The following LRRIQ1 variants were observed in gnomAD, a reference collection of about 807,000 sequenced individuals.
The protein encoded by LRRIQ1 is leucine rich repeats and IQ motif containing 1, also known as leucine-rich repeat- and IQ domain-containing protein 1.
A neutral mutation model predicts 211.9 loss-of-function variants in LRRIQ1; 210 were observed. That is an observed-to-expected ratio of 0.99 (90% CI 0.89 to 1.11). LRRIQ1 has a LOEUF of 1.11. Among genes scored for constraint, LRRIQ1 ranks in the 50% most tolerant of loss-of-function variants. The pLI is 0.00. For missense variants in LRRIQ1, 2,136 were observed against 1,939.5 expected (o/e 1.10, Z -1.90); for synonymous variants, 699 against 650.1 (o/e 1.08, Z -1.14).
At chr12:85,167,886 C>T (rs894203502) in intron 24 of LRRIQ1, among the ~76,000 whole-genome samples, 2 of 144,014 alleles carry the variant, frequency 1.4e-5, no homozygotes, top group Non-Finnish European at 1.5e-5. Context: ...CCTAACCTAA[C>T]GCAGCTAGCA....
intron 19 of LRRIQ1, among the ~76,000 whole-genome samples, chr12:85,141,135 T>C (rs1019051989): frequency 2.6e-5 from 4 of 151,418 alleles, no homozygotes; most frequent in Non-Finnish European, 5.9e-5. Context: ...GAGTTTGATA[T>C]AAGATTGATG....
intron 8 of LRRIQ1, among the ~76,000 whole-genome samples, chr12:85,057,741 T>C (rs891539307): frequency 5.9e-5 from 9 of 152,094 alleles, no homozygotes; most frequent in Non-Finnish European, 1.2e-4. Context: ...CAAATGTTAC[T>C]AATTTTATAT....
chr12:85,041,003 G>A (rs1878820236), intron 3 of LRRIQ1, among the ~76,000 whole-genome samples: 1 of 151,556 alleles, frequency 6.6e-6, no homozygotes, highest in African/African-American at 2.4e-5. Context: ...TTACTTCTTG[G>A]AATTGTTCTA....
intron 24 of LRRIQ1, among the ~76,000 whole-genome samples, chr12:85,196,896 C>T (rs1018540641): frequency 4.1e-4 from 62 of 152,080 alleles, no homozygotes; most frequent in African/African-American, 1.4e-3. Context: ...AGGCAACCTA[C>T]AAAATGGGAG....
chr12:85,211,132 A>G (rs1209723434), intron 24 of LRRIQ1, among the ~76,000 whole-genome samples: 1 of 152,224 alleles, frequency 6.6e-6, no homozygotes, highest in East Asian at 1.9e-4. Context: ...CAGCATTCAT[A>G]AAACTATGCC....
intron 24 of LRRIQ1, among the ~76,000 whole-genome samples, chr12:85,198,494 A>C (rs528883861): frequency 6.6e-6 from 1 of 151,994 alleles, no homozygotes; most frequent in East Asian, 1.9e-4. Context: ...CTTTTTATTA[A>C]TAGCCATTCC....
rs770685184 is a variant in LRRIQ1 at position 85,055,564 on chromosome 12, G to T, written c.771G>T (p.Leu257Phe). 20 of 1,534,380 alleles carry T rather than the reference G, an allele frequency of 1.3e-5. No homozygotes were observed. Among genetic ancestry groups the T allele is most frequent in the Non-Finnish European group, 1.7e-5 (19 of 1,147,794 alleles). ...TGTTTTAGGAGTATATTAGAAACTT[G>T]CATTTACAAATGGAAGAAGAAAGAA... ...FKQHEEYIRN[L>F]HLQMEEERTR... Residue 257 changes from leucine (L) to phenylalanine (F), a missense_variant, in exon 8 of 27, where the codon TTG (leucine) becomes TTT (phenylalanine). Coordinates refer to ENST00000393217, the MANE Select transcript of LRRIQ1 (RefSeq NM_001079910.2).
Position 85,217,612 on chromosome 12 carries a change from A to ATATATATG in LRRIQ1, c.4823-11881_4823-11874dup, listed in dbSNP as rs533149532. Reference sequence around the variant, plus strand: ...TATATATGTATATATGTATATGTGTATATATATGTATATATGTATATATGT... The same window carrying ATATATATG: ...TATATATGTATATATGTATATGTGTATATATATGTATATATGTATATATGTATATATGT... On this transcript the variant is annotated intron_variant, in intron 24 of 26. Coordinates refer to ENST00000393217, the MANE Select transcript of LRRIQ1 (RefSeq NM_001079910.2). Among the ~76,000 whole-genome samples, 280 of 127,322 alleles carry ATATATATG rather than the reference A, an allele frequency of 2.2e-3. 10 individuals are homozygous for ATATATATG. In the South Asian group the frequency reaches 0.049, roughly 22 times the overall value. The allele number at this position is 127,322 out of a possible 152,430, so 83.5% of individuals were successfully genotyped here. A position where few individuals can be genotyped will look rare whatever the true frequency, so the allele number is the denominator to read the frequency against.
At chr12:85,212,776 TTATATA>T (rs922940690) in intron 24 of LRRIQ1, among the ~76,000 whole-genome samples, 7 of 145,758 alleles carry the variant, frequency 4.8e-5, no homozygotes, top group African/African-American at 1.8e-4. Flanking sequence ...AATATATATT[TTATATA>T]TATATAGAGA....
intron 25 of LRRIQ1, 25 bp from the exon 26 acceptor site, chr12:85,232,671 A>G (rs1346820359): frequency 6.3e-7 from 1 of 1,587,018 alleles, no homozygotes; most frequent in East Asian, 2.2e-5. Flanking sequence ...ATTATAAAAT[A>G]CTTTCTGTTT....
At chr12:85,186,370 T>C (rs1193703434) in intron 24 of LRRIQ1, among the ~76,000 whole-genome samples, 2 of 152,180 alleles carry the variant, frequency 1.3e-5, no homozygotes, top group African/African-American at 4.8e-5. Flanking sequence ...ACCTCAGTGA[T>C]TGTCAGGGAC....
At chr12:85,153,913 A>C in intron 22 of LRRIQ1, 99 bp from the exon 23 acceptor site, 1 of 962,616 alleles carries the variant, frequency 1.0e-6, no homozygotes, top group Non-Finnish European at 1.5e-6. Flanking sequence ...CATTTATTTT[A>C]GTATGCTATA....
intron 16 of LRRIQ1, 116 bp from the exon 17 acceptor site, chr12:85,123,954 T>G: frequency 1.5e-6 from 1 of 663,158 alleles, no homozygotes; most frequent in Non-Finnish European, 2.6e-6. Flanking sequence ...TAATGAATGT[T>G]GTACTGAAGT....
chr12:85,247,987 T>C (rs1895780469), downstream of LRRIQ1, among the ~76,000 whole-genome samples: 2 of 151,730 alleles, frequency 1.3e-5, no homozygotes, highest in South Asian at 2.1e-4. Flanking sequence ...ATGAAAGAGA[T>C]TACATTCTCA....
intron 3 of LRRIQ1, among the ~76,000 whole-genome samples, chr12:85,043,103 C>T (rs1432173146): frequency 6.6e-6 from 1 of 151,926 alleles, no homozygotes; most frequent in Non-Finnish European, 1.5e-5. Flanking sequence ...GCTTTATGGG[C>T]AGTAAGGTTT....
At chr12:85,192,114 A>G (rs1047381105) in intron 24 of LRRIQ1, among the ~76,000 whole-genome samples, 3 of 151,656 alleles carry the variant, frequency 2.0e-5, no homozygotes, top group Non-Finnish European at 4.4e-5. Flanking sequence ...TAAGTATTAT[A>G]GTATCTGATA....
chr12:85,104,236 C>T (rs1242012575), intron 14 of LRRIQ1, among the ~76,000 whole-genome samples, 159 bp downstream of exon 14: 1 of 151,628 alleles, frequency 6.6e-6, no homozygotes, highest in Non-Finnish European at 1.5e-5. Context: ...ATTTTATTTC[C>T]ACTTTTACAG....
chr12:85,211,374 C>A (rs1408400106), intron 24 of LRRIQ1, among the ~76,000 whole-genome samples: 4 of 152,082 alleles, frequency 2.6e-5, no homozygotes, highest in Admixed American at 1.3e-4. Flanking sequence ...TGGCTTCTTA[C>A]CCATGTCGTA....
chr12:85,049,238 T>C (rs560524898), intron 6 of LRRIQ1, among the ~76,000 whole-genome samples: 2 of 152,244 alleles, frequency 1.3e-5, no homozygotes, highest in Non-Finnish European at 2.9e-5. Flanking sequence ...TTCCCCAAAA[T>C]AGCAATCATA....
Sources: gnomAD v4.1 joint callset for allele counts (sites outside exome capture counted in the v4.1 genomes callset) on GRCh38, gnomAD v4.1.1 for gene constraint, MANE v1.5 for transcripts, NCBI Gene and HGNC (gene_info 2026-07-23, HGNC 2026-07-21) for gene names.